KCNH7: variants seen among roughly 807,000 people sequenced by gnomAD.
KCNH7 encodes the protein potassium voltage-gated channel subfamily H member 7.
KCNH7 carries 49 observed loss-of-function variants against 120.8 expected under a neutral mutation model. The ratio of observed to expected loss-of-function variants is 0.41; its 90% confidence interval spans 0.32 to 0.51. KCNH7 has a LOEUF of 0.51. Among genes scored for constraint, KCNH7 ranks in the 20% least tolerant of loss-of-function variants. The pLI is 0.38. For missense variants in KCNH7, 1,097 were observed against 1,446.6 expected (o/e 0.76, Z 3.92); for synonymous variants, 547 against 516.1 (o/e 1.06, Z -0.81).
chr2:162,665,526 T>C (rs886143434), intron 2 of KCNH7, among the ~76,000 whole-genome samples: 4 of 152,136 alleles, frequency 2.6e-5, no homozygotes, highest in African/African-American at 9.7e-5. Context: ...AAACTAAATT[T>C]GTCATTTCAT....
At chr2:162,562,057 T>C (rs982373247) in intron 2 of KCNH7, among the ~76,000 whole-genome samples, 3 of 151,886 alleles carry the variant, frequency 2.0e-5, no homozygotes, top group African/African-American at 7.3e-5. Flanking sequence ...CCGGGGCCTG[T>C]TGGGTGGTCG....
chr2:162,632,335 T>C (rs1683802064), intron 2 of KCNH7, among the ~76,000 whole-genome samples: 1 of 151,960 alleles, frequency 6.6e-6, no homozygotes, highest in African/African-American at 2.4e-5. Flanking sequence ...TGGAGAAAGC[T>C]GCAAGTTTAA....
At chr2:162,745,730 C>T (rs1459504157) in intron 2 of KCNH7, among the ~76,000 whole-genome samples, 3 of 151,852 alleles carry the variant, frequency 2.0e-5, no homozygotes, top group Non-Finnish European at 4.4e-5. Flanking sequence ...TAATTTAAGA[C>T]AACCAAAATT....
chr2:162,532,186 C>T (rs1169652480), intron 3 of KCNH7, among the ~76,000 whole-genome samples: 1 of 151,884 alleles, frequency 6.6e-6, no homozygotes, highest in Non-Finnish European at 1.5e-5. Context: ...TTTGCTAATA[C>T]AAGCATAATT....
intron 13 of KCNH7, 51 bp from the exon 14 acceptor site, chr2:162,380,072 T>C (rs1050816538): frequency 1.9e-6 from 3 of 1,582,188 alleles, no homozygotes; most frequent in Non-Finnish European, 1.7e-6. Context: ...CCCCTTTGCG[T>C]CAATAATTCA....
At position 162,823,983 on chromosome 2, in the gene KCNH7, C is replaced by G. The variant is rs540246068; in HGVS notation, c.307+12554G>C. Among the ~76,000 whole-genome samples the G allele has an allele frequency of 5.9e-5, 9 of 152,194 alleles. No individual in the cohort carries two copies. In the South Asian group the frequency reaches 1.9e-3, roughly 32 times the overall value. On this transcript the variant is annotated intron_variant, in intron 2 of 15. Coordinates refer to ENST00000332142, the MANE Select transcript of KCNH7 (RefSeq NM_033272.4). ...ATTAATTTTCATTTCTGTAGCAGAG[C>G]ATTAGCTCTGCCAACATTTAGTTTT...
intron 7 of KCNH7, among the ~76,000 whole-genome samples, chr2:162,441,190 A>G (rs774398663): frequency 3.3e-5 from 5 of 152,184 alleles, no homozygotes; most frequent in Non-Finnish European, 5.9e-5. Context: ...GTAGAAATGT[A>G]TATGTATATG....
intron 2 of KCNH7, among the ~76,000 whole-genome samples, chr2:162,674,190 T>A (rs1685458935): frequency 6.6e-6 from 1 of 151,766 alleles, no homozygotes; most frequent in South Asian, 2.1e-4. Context: ...CATATTAATA[T>A]AAAATTCAAT....
chr2:162,503,438 A>C (rs924046621), intron 6 of KCNH7, among the ~76,000 whole-genome samples: 13 of 152,032 alleles, frequency 8.6e-5, no homozygotes, highest in Admixed American at 5.9e-4. Flanking sequence ...AAATATTAAA[A>C]TATATAGAAA....
chr2:162,406,120 C>G (rs1687208915), intron 9 of KCNH7, among the ~76,000 whole-genome samples: 2 of 151,930 alleles, frequency 1.3e-5, no homozygotes, highest in South Asian at 2.1e-4. Flanking sequence ...TTTGCTGTTT[C>G]TAAGCCCAAG....
chr2:162,825,764 AT>A (rs928681651), intron 2 of KCNH7, among the ~76,000 whole-genome samples: 5 of 152,088 alleles, frequency 3.3e-5, no homozygotes, highest in African/African-American at 4.8e-5. Context: ...CATTAAAAAA[AT>A]ATGCATGTTC....
intron 2 of KCNH7, among the ~76,000 whole-genome samples, chr2:162,738,326 T>C (rs1045531664): frequency 2.0e-5 from 3 of 152,202 alleles, no homozygotes; most frequent in East Asian, 3.9e-4. Context: ...AGTAAGCTCA[T>C]GACGACCTAC....
chr2:162,609,992 A>C (rs1405214804), intron 2 of KCNH7, among the ~76,000 whole-genome samples: 1 of 152,184 alleles, frequency 6.6e-6, no homozygotes, highest in Non-Finnish European at 1.5e-5. Context: ...CTTTAGGAGA[A>C]TAGGGAGCTT....
At chr2:162,395,651 C>A (rs898201606) in intron 11 of KCNH7, among the ~76,000 whole-genome samples, 1 of 151,626 alleles carries the variant, frequency 6.6e-6, no homozygotes, top group South Asian at 2.1e-4. Context: ...AAAACCATTA[C>A]AAAAACATAT....
intron 2 of KCNH7, among the ~76,000 whole-genome samples, chr2:162,789,199 G>A (rs189648572): frequency 4.9e-4 from 74 of 152,008 alleles, no homozygotes; most frequent in African/African-American, 1.7e-3. Context: ...CAGTAAATAA[G>A]AACATAATCA....
At chr2:162,446,915 ATAAAT>A (rs1688600307) in intron 6 of KCNH7, among the ~76,000 whole-genome samples, 1 of 152,134 alleles carries the variant, frequency 6.6e-6, no homozygotes, top group Admixed American at 6.6e-5. Context: ...TTACACCTTG[ATAAAT>A]TAAACCCAAC....
chr2:162,706,968 G>A (rs565032266), intron 2 of KCNH7, among the ~76,000 whole-genome samples: 10 of 152,138 alleles, frequency 6.6e-5, no homozygotes, highest in Non-Finnish European at 1.0e-4. Flanking sequence ...GGCTATCTCC[G>A]GTTTCATGGT....
intron 2 of KCNH7, among the ~76,000 whole-genome samples, chr2:162,691,130 A>G (rs972896799): frequency 2.0e-5 from 3 of 152,204 alleles, no homozygotes; most frequent in African/African-American, 4.8e-5. Context: ...CCAAACAGGT[A>G]TAGCTCTAAA....
intron 2 of KCNH7, among the ~76,000 whole-genome samples, chr2:162,609,139 A>G (rs1160645191): frequency 6.6e-6 from 1 of 152,066 alleles, no homozygotes; most frequent in South Asian, 2.1e-4. Flanking sequence ...GCCTTCTCCT[A>G]TGGGATGTGG....
Sources: gnomAD v4.1 joint callset for allele counts (sites outside exome capture counted in the v4.1 genomes callset) on GRCh38, gnomAD v4.1.1 for gene constraint, MANE v1.5 for transcripts, NCBI Gene and HGNC (gene_info 2026-07-23, HGNC 2026-07-21) for gene names.